DIDO1: variants seen among roughly 807,000 people sequenced by gnomAD.
DIDO1 encodes death inducer-obliterator 1.
In DIDO1, 16 loss-of-function variants were observed where a neutral mutation model predicts 99.4. The ratio of observed to expected loss-of-function variants is 0.16; its 90% CI spans 0.11 to 0.24. The LOEUF (loss-of-function observed/expected upper bound fraction) is 0.24, where lower values mean the gene tolerates loss of function less well. Ranked by LOEUF, DIDO1 falls within the 10% of genes least tolerant of loss-of-function variation. The pLI, the probability that DIDO1 is intolerant of heterozygous loss-of-function variation, is 1.00. For missense variants in DIDO1, 2,996 were observed against 3,014.0 expected, an observed-to-expected ratio of 0.99 and a Z score of 0.14; for synonymous variants, 1,366 against 1,239.1, an observed-to-expected ratio of 1.10 and a Z score of -2.15.
chr20:62,882,047 G>A lies in DIDO1; in HGVS notation c.3909C>T (p.Thr1303=), dbSNP rs757777470. The change falls in exon 16 of 16, where the codon ACC becomes ACT. Residue 1303 remains threonine (T), a synonymous_variant. Coordinates refer to ENST00000395343, the MANE Select transcript of DIDO1 (RefSeq NM_001193369.2). ...AAAASTAASS[T]ASSASKTASP... ...ATGCTGTTTTGGAAGCAGACGAAGC[G>A]GTGGAGGAAGCTGCCGTGGAGGCTG... 7 of 1,613,586 alleles carry A rather than the reference G, an allele frequency of 4.3e-6. No homozygotes were observed. The South Asian group carries it at 4.4e-5, about 10-fold the overall frequency.
chr20:62,922,163 G>T (rs1486502804), intron 1 of DIDO1, among the ~76,000 whole-genome samples: 1 of 144,624 alleles, frequency 6.9e-6, no homozygotes, highest in Non-Finnish European at 1.5e-5. Flanking sequence ...CACAAACAAT[G>T]CCCGGCTCTT....
rs73304513 is a variant in DIDO1, at chr20:62,881,006, G to A, written c.4950C>T (p.Ser1650=). The A allele has an allele frequency of 8.7e-3, 13,998 of 1,606,002 alleles. 1,091 individuals are homozygous for A. In the African/African-American group the frequency reaches 0.16, roughly 19 times the overall value. Residue 1650 remains serine (S), a synonymous_variant, in exon 16 of 16, where the codon AGC becomes AGT. Transcript: ENST00000395343. The surrounding 1 kb of genome is among the most constrained non-coding windows in gnomAD (Gnocchi z 8.3). ...EGTRPATVGD[S]SARPARRVLL... ...GCACCCTCCGGGCAGGCCTGGCCGA[G>A]CTGTCTCCAACCGTGGCGGGGCGGG... is the stretch of plus-strand genomic sequence containing the variant.
chr20:62,931,134 T>C (rs1288155098), upstream of DIDO1, among the ~76,000 whole-genome samples: 6 of 152,152 alleles, frequency 3.9e-5, no homozygotes, highest in African/African-American at 1.4e-4. Context: ...AGAGATGGGG[T>C]TTCACTATGT....
chr20:62,929,554 C>G (rs1166135125), upstream of DIDO1, among the ~76,000 whole-genome samples: 1 of 151,838 alleles, frequency 6.6e-6, no homozygotes, highest in Non-Finnish European at 1.5e-5. Flanking sequence ...CCAGGCCCCC[C>G]ACGCTGTGCT....
chr20:62,907,387 C>T lies in DIDO1; in HGVS notation c.1162-28G>A. On this transcript the variant is annotated intron_variant, in intron 4 of 15. Transcript: ENST00000395343. ...GCAGAACAAAACAGATGACTTCAAA[C>T]AATGTACTTGCCAATTTTAAGCAGT... 1.9e-6 allele frequency: 3 copies of T among 1,604,814 alleles called. No individual in the cohort carries two copies. In the East Asian group the frequency reaches 6.7e-5, roughly 36 times the overall value.
Position 62,881,177 on chromosome 20 carries a change from T to C in DIDO1, c.4779A>G (p.Arg1593=). The part of the protein sequence containing the change: ...ARGAQGALPE[R]DASRGGLVGQ... Reference sequence around the variant, plus strand: ...CCACGAGGCCACCCCTGGAAGCATCTCTCTCGGGCAGGGCACCCTGGGCAC... The same window carrying C: ...CCACGAGGCCACCCCTGGAAGCATCCCTCTCGGGCAGGGCACCCTGGGCAC... Residue 1593 remains arginine, a synonymous_variant, in exon 16 of 16, where the codon AGA becomes AGG. Coordinates refer to ENST00000395343, the MANE Select transcript of DIDO1 (RefSeq NM_001193369.2). The surrounding 1 kb of genome is among the most constrained non-coding windows in gnomAD (Gnocchi z 8.3). The C allele has an allele frequency of 6.2e-7, 1 of 1,608,408 alleles. No individual in the cohort carries two copies. Among genetic ancestry groups the C allele is most frequent in the South Asian group, 1.1e-5 (1 of 91,008 alleles).
chr20:62,935,739 G>A (rs2065376054), intron 1 of DIDO1, among the ~76,000 whole-genome samples: 2 of 152,266 alleles, frequency 1.3e-5, no homozygotes. Flanking sequence ...GAGTCCCCAA[G>A]GGATGTTAGA....
chr20:62,896,162 T>C lies in DIDO1; in HGVS notation c.2214+71A>G. The C allele has an allele frequency of 7.0e-7, 1 of 1,434,624 alleles. No homozygotes were observed. The highest frequency in any genetic ancestry group is 1.3e-5 in the South Asian group (1 of 75,282). 88.9% of individuals were successfully genotyped at this position (1,434,624 alleles called of 1,614,324 possible). A position where few individuals can be genotyped will look rare whatever the true frequency, so the allele number is the denominator to read the frequency against. On this transcript the variant is annotated intron_variant, in intron 8 of 15. Coordinates refer to ENST00000395343, the MANE Select transcript of DIDO1 (RefSeq NM_001193369.2). This position sits in a 1 kb window ranked among gnomAD's most constrained non-coding sequence, Gnocchi z 4.4. The stretch of plus-strand genomic sequence containing the variant: ...TGGAAAGGACACGAACATCTCAAAA[T>C]ATTGGTTGATCCCTTTAGCACCCAG...
chr20:62,899,940 C>T (rs1471959384), intron 6 of DIDO1, among the ~76,000 whole-genome samples: 1 of 152,230 alleles, frequency 6.6e-6, no homozygotes, highest in Non-Finnish European at 1.5e-5. Context: ...GGGACAGAAA[C>T]TTTTTAGTGG....
chr20:62,921,801 T>TTGTG lies in DIDO1; in HGVS notation c.-200+4634_-200+4637dup, dbSNP rs10657976. 6.0e-5 allele frequency among the ~76,000 whole-genome samples: 9 copies of TTGTG among 149,638 alleles called. No homozygotes were observed. In the South Asian group the frequency reaches 6.3e-4, roughly 11 times the overall value. ...AAGCATGCACTACAATGCCCAGCTA[T>TTGTG]TGTGTGTGTGTGTATATCCACAATA... On this transcript the variant is annotated intron_variant, in intron 1 of 15. Coordinates refer to ENST00000395343, the MANE Select transcript of DIDO1 (RefSeq NM_001193369.2).
intron 6 of DIDO1, among the ~76,000 whole-genome samples, chr20:62,897,576 A>C (rs1032897494): frequency 2.0e-4 from 30 of 152,350 alleles, no homozygotes; most frequent in African/African-American, 6.5e-4. Context: ...CTTTACGTGA[A>C]GAGTGAGAAG....
In DIDO1 at chr20:62,877,765, T is replaced by C. The variant is rs2064133398; in HGVS notation, c.*1468A>G. 1 of 152,248 alleles carries C rather than the reference T, an allele frequency of 6.6e-6. No individual in the cohort carries two copies. The highest frequency in any genetic ancestry group is 1.5e-5 in the Non-Finnish European group (1 of 68,044). The allele number at this position is 152,248 out of a possible 1,614,324, so 9.4% of individuals were successfully genotyped here. ...AACTTCCTGTAGCTGTTTATTCTAC[T>C]GCGAGTAACAAAACCTAGGTCGTTC... On this transcript the variant is annotated 3_prime_UTR_variant, in exon 16 of 16. Coordinates refer to ENST00000395343, the MANE Select transcript of DIDO1 (RefSeq NM_001193369.2).
upstream of DIDO1, among the ~76,000 whole-genome samples, chr20:62,928,140 A>G (rs1177531533): frequency 6.6e-6 from 1 of 152,070 alleles, no homozygotes; most frequent in Non-Finnish European, 1.5e-5. Context: ...ACCAGCCACA[A>G]TTTGTTTCTG....
chr20:62,884,402 C>G (rs920700805), intron 15 of DIDO1, among the ~76,000 whole-genome samples: 1 of 152,106 alleles, frequency 6.6e-6, no homozygotes, highest in African/African-American at 2.4e-5. Flanking sequence ...GCGGCAGCGA[C>G]GTAACACTAT....
At position 62,881,254 on chromosome 20, in the gene DIDO1, T is replaced by G; in HGVS notation, c.4702A>C (p.Thr1568Pro). The G allele has an allele frequency of 6.2e-7, 1 of 1,601,636 alleles. No individual in the cohort carries two copies. The highest frequency in any genetic ancestry group is 1.1e-5 in the South Asian group (1 of 90,426). Residue 1568 changes from threonine (T) to proline (P), a missense_variant, in exon 16 of 16, where the codon ACT (threonine) becomes CCT (proline). Thr to Pro is a conservative substitution (Grantham distance 38). This residue lies in a region of DIDO1 where 1,562 missense variants were observed against 1,412.6 expected (regional missense o/e 1.11). Transcript: ENST00000395343. The surrounding 1 kb of genome is among the most constrained non-coding windows in gnomAD (Gnocchi z 8.3). ...RDPRQARRLA[T>P]ETGEGEGEPL... ...TCCCCCTCCCCCTCACCGGTCTCAGTGGCCAGGCGCCTCGCCTGCCGGGGG... is the reference window on the plus strand; with the variant it reads ...TCCCCCTCCCCCTCACCGGTCTCAGGGGCCAGGCGCCTCGCCTGCCGGGGG...
At chr20:62,888,194 GTCAAAACCCACTAGGTCCC>G in intron 15 of DIDO1, 2 of 985,504 alleles carry the variant, frequency 2.0e-6, no homozygotes, top group Non-Finnish European at 2.4e-6. Context: ...ACACCACGCT[GTCAAAACCCACTAGGTCCC>G]CATGTGTGGG....
chr20:62,926,097 GCT>G (rs969876270), intron 1 of DIDO1, among the ~76,000 whole-genome samples: 6 of 151,734 alleles, frequency 4.0e-5, no homozygotes, highest in Non-Finnish European at 7.4e-5. Context: ...CCAGCCCTGC[GCT>G]CTTCCCCGCG....
chr20:62,911,717 GAGCTCTACATAA>G lies in DIDO1; in HGVS notation c.-2-115_-2-104del. 1 of 1,023,506 alleles carries G rather than the reference GAGCTCTACATAA, an allele frequency of 9.8e-7. No homozygotes were observed. Among genetic ancestry groups the G allele is most frequent in the Middle Eastern group, 2.8e-4 (1 of 3,550 alleles). 63.4% of individuals were successfully genotyped at this position (1,023,506 alleles called of 1,614,324 possible). On this transcript the variant is annotated intron_variant, in intron 2 of 15. Transcript: ENST00000395343. This position sits in a 1 kb window ranked among gnomAD's most constrained non-coding sequence, Gnocchi z 7.0. ...AGGGGCCACCTCCCTACAAACAGTG[GAGCTCTACATAA>G]AGCAAGTCCTTCTGACCAGTGTTTC...
At chr20:62,934,592 G>A (rs1049321114) in intron 1 of DIDO1, among the ~76,000 whole-genome samples, 7 of 152,116 alleles carry the variant, frequency 4.6e-5, no homozygotes, top group Non-Finnish European at 8.8e-5. Context: ...CTAGCTCACT[G>A]CTCACTTCTC....
Sources: gnomAD v4.1 joint callset for allele counts (sites outside exome capture counted in the v4.1 genomes callset) on GRCh38, gnomAD v4.1.1 for gene constraint, gnomAD v4.1.1 regional missense constraint, Gnocchi (gnomAD v3.1) non-coding constraint, MANE v1.5 for transcripts, NCBI Gene and HGNC (gene_info 2026-07-23, HGNC 2026-07-21) for gene names.